ATR: variants seen among roughly 807,000 people sequenced by gnomAD.
ATR encodes ATR checkpoint kinase, also known as serine/threonine-protein kinase ATR.
ATR carries 142 observed loss-of-function variants against 305.3 expected under a neutral mutation model. The ratio of observed to expected loss-of-function variants is 0.47; its 90% CI spans 0.41 to 0.53. The LOEUF (loss-of-function observed/expected upper bound fraction) is 0.53. Ranked by LOEUF, ATR falls within the 20% of genes least tolerant of loss-of-function variation. ATR has a pLI of 0.00. For synonymous variants in ATR, 1,050 were observed against 1,068.1 expected (o/e 0.98, Z 0.33); for missense variants, 2,135 against 3,133.1 (o/e 0.68, Z 7.60).
chr3:142,550,218 C>T lies in ATR; in HGVS notation c.2890G>A (p.Val964Met). The stretch of plus-strand genomic sequence containing the variant: ...AAAGCCATTTCTCTCTGGTGAGCCA[C>T]ATCTTGTTTTCGCACGTCAGCATTC... ...CQNADVRKQD[V>M]AHQREMALNT... The change falls in exon 14 of 47, where the codon GTG becomes ATG. Residue 964 changes from valine to methionine, a missense_variant. By Grantham distance (21) the Val-to-Met change is conservative. Around this residue, in one of 9 missense-constraint regions of ATR, gnomAD observed 530 missense variants for 766.8 expected, o/e 0.69. Transcript: ENST00000350721. The T allele has an allele frequency of 1.2e-6, 2 of 1,614,168 alleles. No individual in the cohort carries two copies. The highest frequency in any genetic ancestry group is 1.1e-5 in the South Asian group (1 of 91,088).
chr3:142,528,328 T>C (rs1041033972), intron 21 of ATR, among the ~76,000 whole-genome samples: 2 of 152,204 alleles, frequency 1.3e-5, no homozygotes, highest in Admixed American at 6.5e-5. Context: ...TGAGTTTCTA[T>C]ATATATCTTC....
At chr3:142,482,998 T>C (rs537174790) in intron 36 of ATR, among the ~76,000 whole-genome samples, 21 of 150,216 alleles carry the variant, frequency 1.4e-4, no homozygotes, top group South Asian at 2.1e-4. Context: ...TCTTTTTTTT[T>C]TTTCTTTCTT....
chr3:142,500,864 A>T (rs567967585), intron 30 of ATR, among the ~76,000 whole-genome samples: 18 of 152,170 alleles, frequency 1.2e-4, no homozygotes, highest in Non-Finnish European at 1.2e-4. Context: ...ATCTCAGTAG[A>T]ATTAGGCAGT....
intron 1 of ATR, among the ~76,000 whole-genome samples, chr3:142,569,513 G>C (rs1365989509): frequency 1.3e-5 from 2 of 152,068 alleles, no homozygotes; most frequent in African/African-American, 4.8e-5. Flanking sequence ...GTAGAGACAG[G>C]GTTTCACCAC....
chr3:142,464,421 C>T (rs1456451998), intron 41 of ATR, among the ~76,000 whole-genome samples: 1 of 152,130 alleles, frequency 6.6e-6, no homozygotes, highest in African/African-American at 2.4e-5. Context: ...GCCACTGCAC[C>T]CAGCCTATTT....
chr3:142,480,940 G>A (rs1022366388), intron 36 of ATR, among the ~76,000 whole-genome samples: 5 of 152,358 alleles, frequency 3.3e-5, no homozygotes, highest in Middle Eastern at 3.4e-3. Context: ...TTGGAAAAGC[G>A]CAGTATTAGG....
intron 21 of ATR, among the ~76,000 whole-genome samples, chr3:142,527,702 A>G (rs1352237148): frequency 1.1e-4 from 17 of 152,076 alleles, no homozygotes; most frequent in Admixed American, 1.1e-3. Context: ...GTTTTAATAA[A>G]ATATTTGTTT....
At chr3:142,506,512 C>T (rs1166481031) in intron 28 of ATR, among the ~76,000 whole-genome samples, 2 of 152,048 alleles carry the variant, frequency 1.3e-5, no homozygotes, top group African/African-American at 2.4e-5. Context: ...ACATGGAAAA[C>T]CCCGTCTCTA....
intron 35 of ATR, 93 bp from the exon 36 acceptor site, chr3:142,485,375 T>A (rs2108312293): frequency 6.8e-7 from 1 of 1,466,584 alleles, no homozygotes; most frequent in Non-Finnish European, 9.3e-7. Flanking sequence ...CAAAAGTATG[T>A]GACCTTTATC....
At chr3:142,534,609 G>A (rs1309820216) in intron 21 of ATR, among the ~76,000 whole-genome samples, 6 of 151,756 alleles carry the variant, frequency 4.0e-5, no homozygotes, top group Non-Finnish European at 1.5e-5. Flanking sequence ...TCAAGTTTAG[G>A]GATAATCTAC....
intron 16 of ATR, among the ~76,000 whole-genome samples, chr3:142,546,214 A>G (rs1050079014): frequency 1.7e-4 from 26 of 152,112 alleles, no homozygotes; most frequent in Admixed American, 5.2e-4. Flanking sequence ...GGCAGTGGCT[A>G]TGTTCCTCTA....
Position 142,496,312 on chromosome 3 carries a change from A to ACATATATATATATG in ATR, c.5898+48_5898+49insCATATATATATATG, listed in dbSNP as rs760258182. ...TATATATATATATATATATATATAT[A>ACATATATATATATG]TATATATATATATATATATATATAT... On this transcript the variant is annotated intron_variant, in intron 34 of 46. Transcript: ENST00000350721. 3 of 194,978 alleles carry ACATATATATATATG rather than the reference A, an allele frequency of 1.5e-5. 1 individual carries two copies. The highest frequency in any genetic ancestry group is 1.0e-4 in the African/African-American group (3 of 29,630). The allele number at this position is 194,978 out of a possible 1,614,324, so 12.1% of individuals were successfully genotyped here.
chr3:142,510,153 G>T (rs375319961), intron 27 of ATR, among the ~76,000 whole-genome samples: 3 of 145,930 alleles, frequency 2.1e-5, no homozygotes, highest in Admixed American at 6.9e-5. Flanking sequence ...CACTGAAAAT[G>T]GTGATAATAG....
Position 142,498,676 on chromosome 3 carries a change from T to C in ATR, c.5479A>G (p.Arg1827Gly), listed in dbSNP as rs2031781639. The change falls in exon 32 of 47, where the codon AGA (arginine) becomes GGA (glycine). Residue 1827 changes from arginine to glycine, a missense_variant. Physicochemically the swap from Arg to Gly is moderately radical, Grantham distance 125. This residue lies in a region of ATR where 117 missense variants were observed against 198.3 expected (regional missense o/e 0.59). Coordinates refer to ENST00000350721, the MANE Select transcript of ATR (RefSeq NM_001184.4). ...GAAAGAGGTACAATTTGTTCTGCTC[T>C]CACTAGTTTCAGTGAGTCATAAAAA... Reference protein sequence around the residue: ...TAFYDSLKLVRAEQIVPLSAA... With the variant: ...TAFYDSLKLVGAEQIVPLSAA... 1 of 1,614,008 alleles carries C rather than the reference T, an allele frequency of 6.2e-7. No homozygotes were observed. Among genetic ancestry groups the C allele is most frequent in the Non-Finnish European group, 8.5e-7 (1 of 1,180,002 alleles).
chr3:142,519,303 A>G (rs557447644), intron 24 of ATR, among the ~76,000 whole-genome samples: 1 of 144,680 alleles, frequency 6.9e-6, no homozygotes, highest in Admixed American at 7.0e-5. Flanking sequence ...AATCACATTA[A>G]TTTTTTTTTT....
rs915275959 is a variant in ATR, at chr3:142,457,639, C to T, written c.7620G>A (p.Met2540Ile). Reference protein sequence around the residue: ...GLFRRACEVTMRLMRDQREPL... With the variant: ...GLFRRACEVTIRLMRDQREPL... ...GCTCTCGCTGATCACGCATCAGCCTCATTGTAACTTCACATGCTCTTCGAA... is the reference window on the plus strand; with the variant it reads ...GCTCTCGCTGATCACGCATCAGCCTTATTGTAACTTCACATGCTCTTCGAA... Residue 2540 changes from methionine (M) to isoleucine (I), a missense_variant, in exon 45 of 47, where the codon ATG (methionine) becomes ATA (isoleucine). Physicochemically the swap from Met to Ile is conservative, Grantham distance 10 (BLOSUM62 1). Coordinates refer to ENST00000350721, the MANE Select transcript of ATR (RefSeq NM_001184.4). 1 of 1,614,046 alleles carries T rather than the reference C, an allele frequency of 6.2e-7. No homozygotes were observed.
At chr3:142,523,971 A>T in intron 22 of ATR, 22 bp downstream of exon 22, 2 of 1,604,806 alleles carry the variant, frequency 1.2e-6, no homozygotes, top group Non-Finnish European at 1.7e-6. Flanking sequence ...CTCTTTTGTC[A>T]TTCCAAATTT....
Position 142,548,810 on chromosome 3 carries a change from T to C in ATR, c.3171+669A>G, listed in dbSNP as rs556997890. On this transcript the variant is annotated intron_variant, in intron 15 of 46. Transcript: ENST00000350721. ...ATAAATACTTATTACTATCATTCTA[T>C]CTCCACAATATACAGTCGAATAATA... 2.8e-3 allele frequency among the ~76,000 whole-genome samples: 420 copies of C among 152,310 alleles called. 1 individual carries two copies. Among genetic ancestry groups the C allele is most frequent in the Non-Finnish European group, 4.7e-3 (322 of 68,020 alleles).
chr3:142,493,746 T>C (rs1439505540), intron 34 of ATR, among the ~76,000 whole-genome samples: 1 of 151,832 alleles, frequency 6.6e-6, no homozygotes, highest in Non-Finnish European at 1.5e-5. Context: ...CTCATGCCTA[T>C]AATTCCAGCT....
Sources: allele counts gnomAD v4.1 joint callset (sites outside exome capture counted in the v4.1 genomes callset), GRCh38; gene constraint gnomAD v4.1.1; regional missense constraint gnomAD v4.1.1; transcripts MANE v1.5; gene names NCBI Gene and HGNC (gene_info 2026-07-23, HGNC 2026-07-21).